The following PPP1R7 variants were observed in gnomAD, a reference collection of about 807,000 sequenced individuals.
PPP1R7 encodes protein phosphatase 1 regulatory subunit 7, also known as protein phosphatase 1 regulatory subunit 22.
A neutral mutation model predicts 45.2 loss-of-function variants in PPP1R7; 18 were observed. That is an observed-to-expected ratio of 0.40 (90% confidence interval 0.28 to 0.59). The LOEUF is 0.59. Ranked by LOEUF, PPP1R7 falls within the 20% of genes least tolerant of loss-of-function variation. The pLI is 0.46. For synonymous variants in PPP1R7, 181 were observed against 183.4 expected (o/e 0.99, Z 0.11); for missense variants, 314 against 455.8 (o/e 0.69, Z 2.83).
At chr2:241,158,172 G>C (rs967871395) in intron 3 of PPP1R7, among the ~76,000 whole-genome samples, 7 of 152,166 alleles carry the variant, frequency 4.6e-5, no homozygotes, top group African/African-American at 1.4e-4. Context: ...TGAGCCCACA[G>C]CGTGTCTCTG....
intron 1 of PPP1R7, 30 bp downstream of exon 1, chr2:241,150,577 G>C (rs745704327): frequency 1.9e-6 from 3 of 1,574,562 alleles, no homozygotes. Flanking sequence ...GGCGGCCCAA[G>C]GGCCCAGCGG....
At chr2:241,162,047 G>A (rs536782846) in intron 6 of PPP1R7, among the ~76,000 whole-genome samples, 3 of 152,342 alleles carry the variant, frequency 2.0e-5, no homozygotes, top group South Asian at 4.1e-4. Flanking sequence ...AGGGAGGGTG[G>A]TTTTGGCAAC....
At chr2:241,150,444 TTGGCTGAGGGGTC>T (rs2067232888), upstream of PPP1R7, 7 of 1,445,020 alleles carry the variant, frequency 4.8e-6, no homozygotes, top group South Asian at 6.4e-5. Flanking sequence ...GGAGCCCTGA[TTGGCTGAGGGGTC>T]TGAGGCGACA....
intron 9 of PPP1R7, among the ~76,000 whole-genome samples, chr2:241,181,401 G>A (rs193245210): frequency 2.0e-5 from 3 of 152,006 alleles, no homozygotes; most frequent in Admixed American, 6.6e-5. Flanking sequence ...CAGGCAGCAC[G>A]CACCTGCAGG....
chr2:241,183,587 G>T lies in PPP1R7; in HGVS notation c.*764G>T. 1 of 376,494 alleles carries T rather than the reference G, an allele frequency of 2.7e-6. No homozygotes were observed. Among genetic ancestry groups the T allele is most frequent in the Non-Finnish European group, 5.4e-6 (1 of 185,522 alleles). 23.3% of individuals were successfully genotyped at this position (376,494 alleles called of 1,614,324 possible). ...ATCTGAACTCTTGGCCACTGGTATA[G>T]TGGCCTCCTGTTCTCACCCCATTGT... On this transcript the variant is annotated 3_prime_UTR_variant, in exon 10 of 10. Transcript: ENST00000234038.
intron 2 of PPP1R7, among the ~76,000 whole-genome samples, chr2:241,154,179 CAAAAAA>C (rs1167747738): frequency 5.1e-4 from 26 of 50,490 alleles, no homozygotes; most frequent in South Asian, 1.0e-3. Context: ...TACTCCTTCT[CAAAAAA>C]AAAAAAAAAA....
In PPP1R7 at chr2:241,182,717, T is replaced by A; in HGVS notation, c.977T>A (p.Val326Glu). ...ELKGARSLET[V>E]YLERNPLQKD... ...AAGGGAGCCAGGAGCCTGGAGACAG[T>A]GTACCTGGAGCGGAACCCCTTGCAG... The change falls in exon 10 of 10, where the codon GTG becomes GAG. Residue 326 changes from valine (V) to glutamate (E), a missense_variant. By Grantham distance (121) the Val-to-Glu change is moderately radical (BLOSUM62 -2). Transcript: ENST00000234038. 6.2e-7 allele frequency: 1 copy of A among 1,614,116 alleles called. No individual in the cohort carries two copies. Among genetic ancestry groups the A allele is most frequent in the Non-Finnish European group, 8.5e-7 (1 of 1,180,024 alleles).
upstream of PPP1R7, chr2:241,150,050 C>T: frequency 7.3e-7 from 1 of 1,364,814 alleles, no homozygotes; most frequent in Non-Finnish European, 9.4e-7. Flanking sequence ...TCGCAGAGGT[C>T]AGGGATGCAC....
chr2:241,176,343 A>G lies in PPP1R7; in HGVS notation c.907-6304A>G, dbSNP rs971955151. On this transcript the variant is annotated intron_variant, in intron 9 of 9. Transcript: ENST00000234038. ...TCAGATGCAGGGCTAACATCCTTAC[A>G]TTAAAAACAGCTCACACCCAGGTAC... Among the ~76,000 whole-genome samples, 7 of 152,378 alleles carry G rather than the reference A, an allele frequency of 4.6e-5. No individual in the cohort carries two copies. In the East Asian group the frequency reaches 9.6e-4, roughly 21 times the overall value.
chr2:241,160,269 T>G, intron 5 of PPP1R7, 63 bp from the exon 6 acceptor site: 1 of 1,408,012 alleles, frequency 7.1e-7, no homozygotes, highest in Non-Finnish European at 9.6e-7. Context: ...GTGGTTAAAT[T>G]GTGAGTTCTA....
At chr2:241,155,856 C>G (rs142536101) in intron 2 of PPP1R7, among the ~76,000 whole-genome samples, 5 of 152,344 alleles carry the variant, frequency 3.3e-5, no homozygotes, top group African/African-American at 1.2e-4. Context: ...TGAACGGTGA[C>G]TTGACACTGT....
At chr2:241,159,460 A>C in intron 5 of PPP1R7, 117 bp downstream of exon 5, 1 of 1,324,418 alleles carries the variant, frequency 7.6e-7, no homozygotes, top group South Asian at 1.4e-5. Flanking sequence ...TGCCTCTGCC[A>C]CAGGGTCCTG....
At chr2:241,161,953 A>G (rs719564) in intron 6 of PPP1R7, among the ~76,000 whole-genome samples, 42,414 of 152,130 alleles carry the variant, frequency 0.28, 6,959 homozygotes, top group Middle Eastern at 0.45. Context: ...CATGTTCAGA[A>G]TGCCCCTCTA....
At chr2:241,150,375 GCGCGGCGCGGCTGAAGT>G, upstream of PPP1R7, 1 of 1,336,682 alleles carries the variant, frequency 7.5e-7, no homozygotes, top group Non-Finnish European at 9.6e-7. Flanking sequence ...GCCCACGCAG[GCGCGGCGCGGCTGAAGT>G]CGCCGCGCCG....
At chr2:241,163,990 C>T (rs551549758) in intron 7 of PPP1R7, among the ~76,000 whole-genome samples, 3 of 152,062 alleles carry the variant, frequency 2.0e-5, no homozygotes, top group Non-Finnish European at 2.9e-5. Flanking sequence ...ATTCATAGCT[C>T]ACTATAGCCT....
chr2:241,150,582 C>T, intron 1 of PPP1R7, 35 bp downstream of exon 1: 1 of 1,572,786 alleles, frequency 6.4e-7, no homozygotes, highest in Non-Finnish European at 8.6e-7. Context: ...CCCAAGGGCC[C>T]AGCGGGCGGG....
chr2:241,168,968 G>A (rs924182965), intron 8 of PPP1R7, among the ~76,000 whole-genome samples: 3 of 152,248 alleles, frequency 2.0e-5, no homozygotes, highest in African/African-American at 7.2e-5. Context: ...TGAGGGCAGA[G>A]AAGGGAATGA....
upstream of PPP1R7, chr2:241,149,680 G>T: frequency 6.5e-7 from 1 of 1,548,708 alleles, no homozygotes. Context: ...GGGCAGATGC[G>T]GTTTCCTCCC....
intron 9 of PPP1R7, among the ~76,000 whole-genome samples, chr2:241,175,539 G>A (rs144394012): frequency 1.1e-4 from 17 of 152,270 alleles, no homozygotes; most frequent in South Asian, 1.0e-3. Context: ...ATAATATTCC[G>A]CAGTATGGAT....
Sources: gnomAD v4.1 joint callset for allele counts (sites outside exome capture counted in the v4.1 genomes callset) on GRCh38, gnomAD v4.1.1 for gene constraint, MANE v1.5 for transcripts, NCBI Gene and HGNC (gene_info 2026-07-23, HGNC 2026-07-21) for gene names.